Variants in SRPK2 observed in about 807,000 individuals in gnomAD.
The protein encoded by SRPK2 is SFRS protein kinase 2.
SRPK2 carries 21 observed loss-of-function variants against 90.8 expected under a neutral mutation model. The ratio of observed to expected loss-of-function variants is 0.23; its 90% CI spans 0.16 to 0.33. The LOEUF is 0.33. Among genes scored for constraint, SRPK2 ranks in the 10% least tolerant of loss-of-function variants. The pLI is 1.00. For synonymous variants in SRPK2, 288 were observed against 311.1 expected (o/e 0.93, Z 0.78); for missense variants, 620 against 869.0 (o/e 0.71, Z 3.60).
chr7:105,118,034 A>G lies in SRPK2; in HGVS notation c.1916-12T>C. ...GTGTCGCAGTTCTCCTACAGGGGAAAAAACAGGCCAATGTCAAGAAAGCTC... is the reference window on the plus strand; with the variant it reads ...GTGTCGCAGTTCTCCTACAGGGGAAGAAACAGGCCAATGTCAAGAAAGCTC... On this transcript the variant is annotated splice_polypyrimidine_tract_variant and intron_variant, in intron 15 of 15. Transcript: ENST00000393651. 4 of 1,610,652 alleles carry G rather than the reference A, an allele frequency of 2.5e-6. No individual in the cohort carries two copies. The highest frequency in any genetic ancestry group is 3.4e-6 in the Non-Finnish European group (4 of 1,177,588).
chr7:105,232,912 C>T (rs1420419367), intron 2 of SRPK2, among the ~76,000 whole-genome samples: 1 of 151,916 alleles, frequency 6.6e-6, no homozygotes, highest in Non-Finnish European at 1.5e-5. Flanking sequence ...ATTCAGGAGC[C>T]TGAGGCAGGA....
intron 2 of SRPK2, among the ~76,000 whole-genome samples, chr7:105,356,806 C>T (rs1817831436): frequency 1.3e-5 from 2 of 152,110 alleles, no homozygotes; most frequent in African/African-American, 4.8e-5. Flanking sequence ...GCAAGTATCT[C>T]TTCTTTAACA....
chr7:105,178,435 A>G (rs559051036), intron 3 of SRPK2, among the ~76,000 whole-genome samples: 16 of 152,224 alleles, frequency 1.1e-4, no homozygotes, highest in Non-Finnish European at 1.9e-4. Flanking sequence ...AATATTTCCT[A>G]TAACAGTAAT....
intron 2 of SRPK2, among the ~76,000 whole-genome samples, chr7:105,284,832 T>G (rs1226969108): frequency 6.6e-6 from 1 of 152,224 alleles, no homozygotes; most frequent in Non-Finnish European, 1.5e-5. Context: ...CCACAAACAC[T>G]TCAGCCAAAT....
intron 2 of SRPK2, among the ~76,000 whole-genome samples, chr7:105,373,972 C>T (rs959105121): frequency 1.3e-5 from 2 of 151,862 alleles, no homozygotes; most frequent in African/African-American, 2.4e-5. Flanking sequence ...CTGTCGCCCA[C>T]GCTGGAGTGC....
At chr7:105,188,942 G>GA (rs556692228) in intron 3 of SRPK2, among the ~76,000 whole-genome samples, 73 of 152,238 alleles carry the variant, frequency 4.8e-4, no homozygotes, top group Non-Finnish European at 7.5e-4. Flanking sequence ...AGCATAAAAG[G>GA]AAAAAAACCC....
chr7:105,125,633 G>A (rs1385995748), intron 15 of SRPK2: 6 of 314,762 alleles, frequency 1.9e-5, no homozygotes, highest in Non-Finnish European at 3.7e-5. Context: ...GGTATCAGAT[G>A]GGTCAGGTTT....
chr7:105,184,459 T>C (rs2129600755), intron 3 of SRPK2, among the ~76,000 whole-genome samples: 1 of 152,328 alleles, frequency 6.6e-6, no homozygotes. Flanking sequence ...TTTAACTGTC[T>C]AGTTAAGACG....
intron 2 of SRPK2, among the ~76,000 whole-genome samples, chr7:105,237,254 A>G (rs1210539954): frequency 6.6e-6 from 1 of 152,240 alleles, no homozygotes; most frequent in Non-Finnish European, 1.5e-5. Flanking sequence ...TAAAGGAAAA[A>G]TCAGAATAGA....
At chr7:105,121,528 T>A (rs576405118) in intron 15 of SRPK2, among the ~76,000 whole-genome samples, 1 of 152,324 alleles carries the variant, frequency 6.6e-6, no homozygotes, top group East Asian at 1.9e-4. Context: ...ACTTCACCCT[T>A]CCTGTGACTA....
intron 2 of SRPK2, among the ~76,000 whole-genome samples, chr7:105,366,412 C>T (rs1381432789): frequency 6.8e-6 from 1 of 147,788 alleles, no homozygotes; most frequent in East Asian, 2.0e-4. Context: ...CCCTGTCGCA[C>T]AGGCTGGAAT....
chr7:105,195,261 G>T (rs536327428), intron 3 of SRPK2, among the ~76,000 whole-genome samples: 1 of 152,174 alleles, frequency 6.6e-6, no homozygotes, highest in Non-Finnish European at 1.5e-5. Flanking sequence ...ATGTTGGCCA[G>T]GATGGCCTCA....
intron 3 of SRPK2, among the ~76,000 whole-genome samples, chr7:105,170,977 GAGAAAGAAAGAAAGAAAGAGAA>G (rs1791018203): frequency 7.1e-5 from 3 of 42,216 alleles, no homozygotes; most frequent in African/African-American, 3.0e-4. Context: ...GAGAAAGAAA[GAGAAAGAAAGAAAGAAAGAGAA>G]AGAAAGAAAG....
At chr7:105,324,806 G>C (rs1029454534) in intron 2 of SRPK2, among the ~76,000 whole-genome samples, 6 of 152,188 alleles carry the variant, frequency 3.9e-5, no homozygotes, top group African/African-American at 1.4e-4. Flanking sequence ...AGAATTGCTT[G>C]AGCCACGGAG....
chr7:105,338,171 A>G (rs56384866), intron 2 of SRPK2, among the ~76,000 whole-genome samples: 7,998 of 152,198 alleles, frequency 0.053, 330 homozygotes, highest in East Asian at 0.17. Flanking sequence ...TGAAATTATT[A>G]CAAGGCAAAA....
At chr7:105,139,076 C>T (rs1434889926) in intron 11 of SRPK2, among the ~76,000 whole-genome samples, 1 of 152,172 alleles carries the variant, frequency 6.6e-6, no homozygotes, top group Non-Finnish European at 1.5e-5. Flanking sequence ...TTCCTTCCTG[C>T]ACCTTCCTGG....
chr7:105,313,779 T>C, intron 2 of SRPK2, among the ~76,000 whole-genome samples: 1 of 151,662 alleles, frequency 6.6e-6, no homozygotes, highest in East Asian at 1.9e-4. Flanking sequence ...TCATGAACTG[T>C]TGGAGGGGCA....
intron 2 of SRPK2, among the ~76,000 whole-genome samples, chr7:105,294,856 G>T (rs1377730507): frequency 6.6e-6 from 1 of 151,970 alleles, no homozygotes; most frequent in African/African-American, 2.4e-5. Flanking sequence ...GTTTTTCTAT[G>T]GCTGATGCCC....
chr7:105,288,831 A>C (rs903440183), intron 2 of SRPK2, among the ~76,000 whole-genome samples: 1 of 152,098 alleles, frequency 6.6e-6, no homozygotes, highest in African/African-American at 2.4e-5. Context: ...GTGCTAAAGA[A>C]ACTGGAGCCA....
Sources: gnomAD v4.1 joint callset for allele counts (sites outside exome capture counted in the v4.1 genomes callset) on GRCh38, gnomAD v4.1.1 for gene constraint, MANE v1.5 for transcripts, NCBI Gene and HGNC (gene_info 2026-07-23, HGNC 2026-07-21) for gene names.